ALPK1: variants seen among roughly 807,000 people sequenced by gnomAD.
The protein encoded by ALPK1 is alpha kinase 1.
A neutral mutation model predicts 120.6 loss-of-function variants in ALPK1; 110 were observed. The observed-to-expected ratio is 0.91, with a 90% CI of 0.78 to 1.07. The LOEUF (loss-of-function observed/expected upper bound fraction) is 1.07, where lower values mean the gene tolerates loss of function less well. Ranked by LOEUF, ALPK1 falls within the 50% of genes least tolerant of loss-of-function variation. The probability of loss-of-function intolerance (pLI) is 0.00; values close to 1 mark genes in which losing one functional copy is unlikely to be tolerated. For synonymous variants in ALPK1, 582 were observed against 560.3 expected, an observed-to-expected ratio of 1.04 and a Z score of -0.55; for missense variants, 1,498 against 1,483.9, an observed-to-expected ratio of 1.01 and a Z score of -0.16.
intron 5 of ALPK1, chr4:112,412,309 C>T: frequency 1.7e-6 from 1 of 587,006 alleles, no homozygotes; most frequent in East Asian, 3.9e-5. Flanking sequence ...ATCTGTCCTG[C>T]TGCTTTCAAA....
At chr4:112,387,178 G>A (rs1215584176) in intron 4 of ALPK1, among the ~76,000 whole-genome samples, 6 of 152,194 alleles carry the variant, frequency 3.9e-5, no homozygotes, top group East Asian at 1.9e-4. Flanking sequence ...AGGACTCAAC[G>A]TGGATGCCAC....
At chr4:112,368,031 A>G (rs188067195) in intron 2 of ALPK1, among the ~76,000 whole-genome samples, 33 of 152,216 alleles carry the variant, frequency 2.2e-4, no homozygotes, top group Admixed American at 1.4e-3. Flanking sequence ...CCTCCTGAGT[A>G]GCTGGCCACC....
intron 4 of ALPK1, among the ~76,000 whole-genome samples, chr4:112,394,882 C>A (rs1297423558): frequency 2.0e-5 from 3 of 152,114 alleles, no homozygotes; most frequent in African/African-American, 7.2e-5. Flanking sequence ...GTTGGGCAGA[C>A]AAAAGAAAGT....
chr4:112,347,380 A>T (rs1730143572), intron 2 of ALPK1, among the ~76,000 whole-genome samples: 5 of 152,190 alleles, frequency 3.3e-5, no homozygotes, highest in Non-Finnish European at 7.3e-5. Flanking sequence ...TCAAATGGGA[A>T]CCATATTCCT....
chr4:112,432,143 A>G lies in ALPK1; in HGVS notation c.2596A>G (p.Thr866Ala). The change falls in exon 11 of 16, where the codon ACA becomes GCA. Residue 866 changes from threonine to alanine, a missense_variant. Physicochemically the swap from Thr to Ala is moderately conservative, Grantham distance 58. Coordinates refer to ENST00000650871, the MANE Select transcript of ALPK1 (RefSeq NM_025144.4). ...QLLDSMDVPCTNGHGSHRLCI... is the reference protein window; with the variant it reads ...QLLDSMDVPCANGHGSHRLCI... ...GCTCGACAGCATGGATGTTCCCTGCACAAATGGGCACGGCTCTCATAGACT... is the reference window on the plus strand; with the variant it reads ...GCTCGACAGCATGGATGTTCCCTGCGCAAATGGGCACGGCTCTCATAGACT... 6.2e-7 allele frequency: 1 copy of G among 1,614,216 alleles called. No homozygotes were observed. The highest frequency in any genetic ancestry group is 8.5e-7 in the Non-Finnish European group (1 of 1,180,034).
At chr4:112,343,385 C>G (rs945322148) in intron 2 of ALPK1, 1 of 152,184 alleles carries the variant, frequency 6.6e-6, no homozygotes, top group Non-Finnish European at 1.5e-5. Context: ...GGGGAAAGAT[C>G]TCTGTGTCGT....
chr4:112,331,791 T>G (rs1729379136), intron 2 of ALPK1, among the ~76,000 whole-genome samples: 1 of 152,238 alleles, frequency 6.6e-6, no homozygotes, highest in South Asian at 2.1e-4. Context: ...CTTTAGCAGT[T>G]GTGAAGTCTG....
In ALPK1 at chr4:112,325,267, T is replaced by C. The variant is rs138066052; in HGVS notation, c.-101+9415T>C. Among the ~76,000 whole-genome samples, 295 of 152,340 alleles carry C rather than the reference T, an allele frequency of 1.9e-3. 1 individual carries two copies. Among genetic ancestry groups the C allele is most frequent in the Non-Finnish European group, 3.5e-3 (238 of 68,028 alleles). On this transcript the variant is annotated intron_variant, in intron 2 of 15. Coordinates refer to ENST00000650871, the MANE Select transcript of ALPK1 (RefSeq NM_025144.4). Reference sequence around the variant, plus strand: ...GGCTTTTGGCACGTACCAAATTTCTTTGAAAACTTTAGACACTATTCCCAT... The same window carrying C: ...GGCTTTTGGCACGTACCAAATTTCTCTGAAAACTTTAGACACTATTCCCAT...
intron 2 of ALPK1, among the ~76,000 whole-genome samples, chr4:112,319,004 G>A (rs751842437): frequency 2.0e-5 from 3 of 152,202 alleles, no homozygotes; most frequent in Non-Finnish European, 4.4e-5. Flanking sequence ...AGGCAACAAT[G>A]AGCCAGGAGT....
intron 2 of ALPK1, among the ~76,000 whole-genome samples, chr4:112,324,980 G>C (rs958326895): frequency 3.6e-5 from 5 of 140,576 alleles, no homozygotes; most frequent in East Asian, 4.9e-4. Context: ...AAAAAGGGGG[G>C]GGGGGGCAAA....
intron 1 of ALPK1, among the ~76,000 whole-genome samples, chr4:112,300,190 T>C (rs909849777): frequency 5.9e-5 from 9 of 152,030 alleles, no homozygotes; most frequent in Non-Finnish European, 2.9e-5. Context: ...GCACAGAAAA[T>C]ACTAAGTGAA....
At chr4:112,298,244 G>A (rs557150988) in intron 1 of ALPK1, among the ~76,000 whole-genome samples, 12 of 151,842 alleles carry the variant, frequency 7.9e-5, no homozygotes, top group Admixed American at 3.3e-4. Flanking sequence ...CTCTGCTTGC[G>A]ATATATATTT....
At chr4:112,355,450 G>A (rs1473318322) in intron 2 of ALPK1, among the ~76,000 whole-genome samples, 1 of 152,138 alleles carries the variant, frequency 6.6e-6, no homozygotes, top group African/African-American at 2.4e-5. Flanking sequence ...CAGGATCCAG[G>A]TTCTGGGCAA....
intron 12 of ALPK1, 103 bp downstream of exon 12, chr4:112,435,404 C>T (rs566832293): frequency 9.5e-7 from 1 of 1,050,598 alleles, no homozygotes; most frequent in East Asian, 2.5e-5. Flanking sequence ...AAAACTTGGC[C>T]AAAATATATT....
intron 1 of ALPK1, among the ~76,000 whole-genome samples, chr4:112,315,092 G>A (rs143169387): frequency 0.014 from 2,110 of 151,950 alleles, 23 homozygotes; most frequent in Middle Eastern, 0.034. Flanking sequence ...GTTTTGTCCA[G>A]ACTGGTCTTG....
At chr4:112,364,733 AC>A (rs1393678480) in intron 2 of ALPK1, among the ~76,000 whole-genome samples, 1 of 152,130 alleles carries the variant, frequency 6.6e-6, no homozygotes, top group African/African-American at 2.4e-5. Context: ...TAATACCAAA[AC>A]CAGGAAAAGA....
Position 112,411,815 on chromosome 4 carries a change from CT to C in ALPK1, c.277-11del. ...TCCGCCTGGCTCACGATGTTCCACGCTGTTCCTCCAGGCGTCCCTGAGGGCC... is the reference window on the plus strand; with the variant it reads ...TCCGCCTGGCTCACGATGTTCCACGCGTTCCTCCAGGCGTCCCTGAGGGCC... On this transcript the variant is annotated splice_polypyrimidine_tract_variant and intron_variant, in intron 4 of 15. Transcript: ENST00000650871. 1 of 1,604,062 alleles carries C rather than the reference CT, an allele frequency of 6.2e-7. No homozygotes were observed. The highest frequency in any genetic ancestry group is 2.3e-5 in the East Asian group (1 of 44,264).
chr4:112,401,496 G>A (rs574628519), intron 4 of ALPK1, among the ~76,000 whole-genome samples: 18 of 152,178 alleles, frequency 1.2e-4, no homozygotes, highest in Non-Finnish European at 2.5e-4. Context: ...CATGAGAGTA[G>A]GTGACTAAGG....
At position 112,431,449 on chromosome 4, in the gene ALPK1, A is replaced by G; in HGVS notation, c.1902A>G (p.Glu634=). The change falls in exon 11 of 16, where the codon GAA becomes GAG. Residue 634 remains glutamate (E), a synonymous_variant. Coordinates refer to ENST00000650871, the MANE Select transcript of ALPK1 (RefSeq NM_025144.4). ...CTGAGGAGCTAGAGAATGACAGGGA[A>G]GGCAGAGCTATGCATTCATTGCATT... ...ALSEELENDR[E]GRAMHSLHSQ... The G allele has an allele frequency of 6.2e-7, 1 of 1,614,252 alleles. No homozygotes were observed. The highest frequency in any genetic ancestry group is 8.5e-7 in the Non-Finnish European group (1 of 1,180,042).
Sources: allele counts gnomAD v4.1 joint callset (sites outside exome capture counted in the v4.1 genomes callset), GRCh38; gene constraint gnomAD v4.1.1; transcripts MANE v1.5; gene names NCBI Gene and HGNC (gene_info 2026-07-23, HGNC 2026-07-21).